AFF2: variants seen among roughly 807,000 people sequenced by gnomAD.
AFF2 encodes the protein ALF transcription elongation factor 2.
In AFF2, 14 loss-of-function variants were observed where a neutral mutation model predicts 76.9. The observed-to-expected ratio is 0.18, with a 90% CI of 0.12 to 0.28. AFF2 has a LOEUF of 0.28. Ranked by LOEUF, AFF2 falls within the 10% of genes least tolerant of loss-of-function variation. The pLI, the probability that AFF2 is intolerant of heterozygous loss-of-function variation, is 1.00. For synonymous variants in AFF2, 398 were observed against 366.7 expected, an observed-to-expected ratio of 1.09 and a Z score of -0.98; for missense variants, 868 against 1,001.1, an observed-to-expected ratio of 0.87 and a Z score of 1.79.
chrX:148,518,700 A>G (rs1468931371), intron 1 of AFF2, among the ~76,000 whole-genome samples: 2 of 111,910 alleles, frequency 1.8e-5, no homozygotes, highest in Admixed American at 9.5e-5. Context: ...GAACTAGATG[A>G]CCTTTGAGGT....
At chrX:148,504,349 AAG>A (rs1462136157) in intron 1 of AFF2, among the ~76,000 whole-genome samples, 1 of 106,663 alleles carries the variant, frequency 9.4e-6, no homozygotes, top group Non-Finnish European at 1.9e-5. Flanking sequence ...TCTTAAAAAA[AAG>A]AAAAGAAAAG....
intron 7 of AFF2, among the ~76,000 whole-genome samples, chrX:148,870,191 C>T (rs782067572): frequency 9.9e-5 from 11 of 111,398 alleles, no homozygotes; most frequent in Non-Finnish European, 2.1e-4. Context: ...CTGGAGCTTC[C>T]GTCCATTCTT....
intron 3 of AFF2, among the ~76,000 whole-genome samples, chrX:148,766,243 T>C (rs1294155314): frequency 7.3e-5 from 8 of 109,739 alleles, no homozygotes; most frequent in African/African-American, 2.3e-4. Flanking sequence ...CTGGGTCAAA[T>C]GGTATTTCTA....
intron 1 of AFF2, among the ~76,000 whole-genome samples, chrX:148,526,074 G>A (rs1231980306): frequency 1.8e-5 from 2 of 111,569 alleles, no homozygotes; most frequent in African/African-American, 3.3e-5. Flanking sequence ...GTGATCTTCC[G>A]TGAGCAAGAA....
chrX:148,563,386 T>C (rs1216913245), intron 1 of AFF2, among the ~76,000 whole-genome samples: 2 of 111,568 alleles, frequency 1.8e-5, no homozygotes, highest in African/African-American at 6.5e-5. Context: ...AAGAAGGCAG[T>C]GGAGGCCAGC....
At chrX:148,617,525 C>G (rs1557250645) in intron 1 of AFF2, among the ~76,000 whole-genome samples, 3 of 111,911 alleles carry the variant, frequency 2.7e-5, no homozygotes, top group African/African-American at 6.5e-5. Flanking sequence ...CTGTAGGTTG[C>G]CTGTTCACTC....
chrX:148,907,263 G>A (rs182779107), intron 9 of AFF2, among the ~76,000 whole-genome samples: 25 of 112,343 alleles, frequency 2.2e-4, no homozygotes, highest in African/African-American at 7.8e-4. Flanking sequence ...CCAGAAAACA[G>A]GGATTCTTCC....
chrX:148,669,950 T>A (rs1557258916), intron 3 of AFF2, among the ~76,000 whole-genome samples: 2 of 111,740 alleles, frequency 1.8e-5, no homozygotes, highest in Non-Finnish European at 3.8e-5. Flanking sequence ...GCTTTGTACC[T>A]TCTTCTCTGC....
intron 3 of AFF2, among the ~76,000 whole-genome samples, chrX:148,714,713 G>A (rs1557263201): frequency 9.0e-6 from 1 of 111,600 alleles, no homozygotes; most frequent in African/African-American, 3.3e-5. Flanking sequence ...TTCCTCCTAA[G>A]ATGTCGCCTC....
At chrX:148,661,826 G>T (rs1321491150) in intron 2 of AFF2, 82 bp from the exon 3 acceptor site, 2 of 946,272 alleles carry the variant, frequency 2.1e-6, no homozygotes, top group East Asian at 6.2e-5. Flanking sequence ...TCTACTTAGG[G>T]CATCTGTTTG....
At chrX:148,621,866 A>G (rs1455984511) in intron 1 of AFF2, among the ~76,000 whole-genome samples, 3 of 111,988 alleles carry the variant, frequency 2.7e-5, no homozygotes, top group South Asian at 7.4e-4. Flanking sequence ...CAGAAAGTAA[A>G]CAAGTAAATA....
chrX:148,651,249 A>C (rs2054199950), intron 1 of AFF2, among the ~76,000 whole-genome samples: 1 of 112,476 alleles, frequency 8.9e-6, no homozygotes, highest in Non-Finnish European at 1.9e-5. Flanking sequence ...ATGTGATGAG[A>C]GTCACAGTTA....
intron 7 of AFF2, among the ~76,000 whole-genome samples, chrX:148,873,511 C>T (rs2071002489): frequency 9.3e-6 from 1 of 107,070 alleles, no homozygotes; most frequent in Non-Finnish European, 1.9e-5. Context: ...ATTCTGGATA[C>T]TAGATCCTTA....
intron 9 of AFF2, among the ~76,000 whole-genome samples, chrX:148,912,645 G>A (rs1257094511): frequency 2.7e-5 from 3 of 112,179 alleles, no homozygotes; most frequent in Non-Finnish European, 5.6e-5. Flanking sequence ...AAAATGAATT[G>A]ACTGTAAATG....
At chrX:148,663,080 C>T (rs41302154) in intron 3 of AFF2, among the ~76,000 whole-genome samples, 605 of 112,155 alleles carry the variant, frequency 5.4e-3, no homozygotes, top group Non-Finnish European at 8.6e-3. Flanking sequence ...AAATTAATAA[C>T]ATTTGAGATT....
At chrX:148,825,270 A>G (rs1255452031) in intron 4 of AFF2, among the ~76,000 whole-genome samples, 1 of 111,357 alleles carries the variant, frequency 9.0e-6, no homozygotes, top group Non-Finnish European at 1.9e-5. Flanking sequence ...GCTGCATGAC[A>G]TTGTCTCCAA....
intron 9 of AFF2, among the ~76,000 whole-genome samples, chrX:148,923,727 A>G (rs1376101157): frequency 2.7e-5 from 3 of 111,788 alleles, no homozygotes; most frequent in African/African-American, 9.8e-5. Context: ...GCTTTGTAGG[A>G]TGTATATAGT....
At chrX:148,912,298 C>T (rs899288506) in intron 9 of AFF2, among the ~76,000 whole-genome samples, 1 of 112,153 alleles carries the variant, frequency 8.9e-6, no homozygotes, top group Non-Finnish European at 1.9e-5. Context: ...TCCACCCCCC[C>T]ATCAGGCCCT....
chrX:148,956,734 T>C lies in AFF2; in HGVS notation c.2568+121T>C, dbSNP rs2072046413. 6.4e-6 allele frequency: 4 copies of C among 624,549 alleles called. No homozygotes were observed. In the Admixed American group the frequency reaches 1.6e-4, roughly 24 times the overall value. The allele number at this position is 624,549 out of a possible 1,213,427, so 51.5% of individuals were successfully genotyped here. A position where few individuals can be genotyped will look rare whatever the true frequency, so the allele number is the denominator to read the frequency against. ...AGTGCATTGCAGATTTTGGCAAAGGTGATGATGCTTTCTGTGGGAAATGCA... is the reference window on the plus strand; with the variant it reads ...AGTGCATTGCAGATTTTGGCAAAGGCGATGATGCTTTCTGTGGGAAATGCA... On this transcript the variant is annotated intron_variant, in intron 11 of 20. Transcript: ENST00000370460.
Sources: gnomAD v4.1 joint callset for allele counts (sites outside exome capture counted in the v4.1 genomes callset) on GRCh38, gnomAD v4.1.1 for gene constraint, MANE v1.5 for transcripts, NCBI Gene and HGNC (gene_info 2026-07-23, HGNC 2026-07-21) for gene names.